Variants in RPS6KL1 observed in about 807,000 individuals in gnomAD.
RPS6KL1 encodes ribosomal protein S6 kinase-like 1.
A neutral mutation model predicts 57.0 loss-of-function variants in RPS6KL1; 41 were observed. The ratio of observed to expected loss-of-function variants is 0.72; its 90% confidence interval spans 0.56 to 0.93. The LOEUF (loss-of-function observed/expected upper bound fraction) is 0.93, where lower values mean the gene tolerates loss of function less well. Among genes scored for constraint, RPS6KL1 ranks in the 40% least tolerant of loss-of-function variants. The pLI, the probability that RPS6KL1 is intolerant of heterozygous loss-of-function variation, is 0.00. For missense variants in RPS6KL1, 697 were observed against 727.7 expected (o/e 0.96, Z 0.49); for synonymous variants, 287 against 309.7 (o/e 0.93, Z 0.77).
At position 74,919,975 on chromosome 14, in the gene RPS6KL1, G is replaced by A; in HGVS notation, c.266-6C>T. On this transcript the variant is annotated splice_region_variant and splice_polypyrimidine_tract_variant and intron_variant, in intron 3 of 11. Transcript: ENST00000557413. ...TCGCTCCTTGTTGGGGTCAACTGTGGGAGACAAGAGTCACCAGGGTCCCCA... is the reference window on the plus strand; with the variant it reads ...TCGCTCCTTGTTGGGGTCAACTGTGAGAGACAAGAGTCACCAGGGTCCCCA... 1 of 1,614,102 alleles carries A rather than the reference G, an allele frequency of 6.2e-7. No individual in the cohort carries two copies. The highest frequency in any genetic ancestry group is 8.5e-7 in the Non-Finnish European group (1 of 1,180,006).
chr14:74,910,415 G>A (rs1229609006), intron 7 of RPS6KL1: 1 of 350,808 alleles, frequency 2.9e-6, no homozygotes, highest in East Asian at 4.6e-5. Flanking sequence ...CAGTGTCTGT[G>A]GTTTGGGTGG....
chr14:74,907,344 G>C (rs112742474), intron 11 of RPS6KL1, 91 bp downstream of exon 11: 1 of 1,502,408 alleles, frequency 6.7e-7, no homozygotes, highest in African/African-American at 1.4e-5. Flanking sequence ...CACTGAGCAC[G>C]AAGCACACGT....
At chr14:74,918,646 G>C in intron 4 of RPS6KL1, 41 bp from the exon 5 acceptor site, 1 of 1,454,552 alleles carries the variant, frequency 6.9e-7, no homozygotes, top group South Asian at 1.2e-5. Context: ...CCTCAGGGCC[G>C]AGCCCTCCTT....
Position 74,906,923 on chromosome 14 carries a change from C to CTGAG in RPS6KL1, c.*90_*91insCTCA. ...CCCTCCATTCCTCGCCCAAAGCCCG[C>CTGAG]TGATAGAGGGCCAGCCCTGGGTTGG... On this transcript the variant is annotated 3_prime_UTR_variant, in exon 12 of 12. Transcript: ENST00000557413. 1 of 1,010,250 alleles carries CTGAG rather than the reference C, an allele frequency of 9.9e-7. No individual in the cohort carries two copies. The highest frequency in any genetic ancestry group is 1.6e-6 in the Non-Finnish European group (1 of 636,396). 62.6% of individuals were successfully genotyped at this position (1,010,250 alleles called of 1,614,324 possible). A position where few individuals can be genotyped will look rare whatever the true frequency, so the allele number is the denominator to read the frequency against.
rs781614144 is a variant in RPS6KL1 at position 74,911,317 on chromosome 14, A to T, written c.595T>A (p.Tyr199Asn). 1 of 1,612,260 alleles carries T rather than the reference A, an allele frequency of 6.2e-7. No individual in the cohort carries two copies. ...AAGTACCTGAGCAGCTTCGTCATGTAGGGGACTCCGTGTGGGATGATGGTC... is the reference window on the plus strand; with the variant it reads ...AAGTACCTGAGCAGCTTCGTCATGTTGGGGACTCCGTGTGGGATGATGGTC... Reference protein sequence around the residue: ...RLTIIPHGVPYMTKLLRYFVS... With the variant: ...RLTIIPHGVPNMTKLLRYFVS... The change falls in exon 7 of 12, where the codon TAC becomes AAC. Residue 199 changes from tyrosine (Y) to asparagine (N), a missense_variant. Physicochemically the swap from Tyr to Asn is moderately radical, Grantham distance 143. Coordinates refer to ENST00000557413, the MANE Select transcript of RPS6KL1 (RefSeq NM_031464.5).
At chr14:74,915,565 A>C (rs1187317400) in intron 5 of RPS6KL1, among the ~76,000 whole-genome samples, 2 of 152,198 alleles carry the variant, frequency 1.3e-5, no homozygotes, top group African/African-American at 4.8e-5. Context: ...TAAAGGTTTC[A>C]AACAAGTTCT....
chr14:74,917,924 T>C (rs1887118166), intron 5 of RPS6KL1, among the ~76,000 whole-genome samples: 1 of 151,714 alleles, frequency 6.6e-6, no homozygotes, highest in South Asian at 2.1e-4. Flanking sequence ...GTGGTGGGGG[T>C]GCTGTGGGAA....
rs202018004 is a variant in RPS6KL1 at position 74,921,505 on chromosome 14, C to T, written c.37G>A (p.Gly13Ser). 89 of 1,613,868 alleles carry T rather than the reference C, an allele frequency of 5.5e-5. No individual in the cohort carries two copies. Among genetic ancestry groups the T allele is most frequent in the Admixed American group, 1.3e-4 (8 of 59,940 alleles). ...LVACECLPSP[G>S]LEPEPCSRAR... Reference sequence around the variant, plus strand: ...CGTGAGCAAGGCTCAGGCTCCAGGCCGGGGCTGGGCAGGCACTCACAGGCC... The same window carrying T: ...CGTGAGCAAGGCTCAGGCTCCAGGCTGGGGCTGGGCAGGCACTCACAGGCC... The change falls in exon 3 of 12, where the codon GGC becomes AGC. Residue 13 changes from glycine (G) to serine (S), a missense_variant. Physicochemically the swap from Gly to Ser is moderately conservative, Grantham distance 56. Coordinates refer to ENST00000557413, the MANE Select transcript of RPS6KL1 (RefSeq NM_031464.5).
chr14:74,919,855 C>G lies in RPS6KL1; in HGVS notation c.380G>C (p.Ser127Thr). ...HLQRPLSSGASPSAGFSSLRL... is the reference protein window; with the variant it reads ...HLQRPLSSGATPSAGFSSLRL... ...GGGGGGTCTCCTCACCGCGCTGGGG[C>G]TGGCTCCACTGCTCAGCGGCCGCTG... Residue 127 changes from serine (S) to threonine (T), a missense_variant, in exon 4 of 12, where the codon AGC (serine) becomes ACC (threonine). Physicochemically the swap from Ser to Thr is moderately conservative, Grantham distance 58. Transcript: ENST00000557413. 6.2e-7 allele frequency: 1 copy of G among 1,612,424 alleles called. No individual in the cohort carries two copies.
intron 6 of RPS6KL1, 97 bp downstream of exon 6, chr14:74,911,697 G>T: frequency 1.7e-6 from 2 of 1,164,508 alleles, no homozygotes; most frequent in Non-Finnish European, 2.5e-6. Context: ...GTGGGAGGGA[G>T]TGCAGGCTTC....
At chr14:74,911,994 A>G (rs1048331032) in intron 5 of RPS6KL1, among the ~76,000 whole-genome samples, 153 bp from the exon 6 acceptor site, 8 of 152,092 alleles carry the variant, frequency 5.3e-5, no homozygotes, top group Non-Finnish European at 1.2e-4. Flanking sequence ...CCTGAAGCAG[A>G]CATCGATCCT....
intron 5 of RPS6KL1, among the ~76,000 whole-genome samples, chr14:74,913,745 G>C (rs1566824741): frequency 6.6e-6 from 1 of 152,142 alleles, no homozygotes; most frequent in Non-Finnish European, 1.5e-5. Flanking sequence ...GTTAAAGCAG[G>C]CAATTCAGGC....
chr14:74,910,183 CAG>C, intron 7 of RPS6KL1, 35 bp from the exon 8 acceptor site: 3 of 1,492,552 alleles, frequency 2.0e-6, no homozygotes, highest in Non-Finnish European at 2.7e-6. Context: ...AGCGTGGGGA[CAG>C]GGAGAAAAAG....
chr14:74,920,604 C>G (rs1887675148), intron 3 of RPS6KL1, among the ~76,000 whole-genome samples: 1 of 152,256 alleles, frequency 6.6e-6, no homozygotes, highest in African/African-American at 2.4e-5. Context: ...AATGTTCTTT[C>G]TGGAACTCTA....
intron 10 of RPS6KL1, 137 bp downstream of exon 10, chr14:74,908,713 T>TGG: frequency 1.4e-6 from 1 of 737,684 alleles, no homozygotes; most frequent in Admixed American, 2.0e-5. Context: ...GTGCTAAGTG[T>TGG]GTCCCTGGCT....
At chr14:74,910,381 C>T in intron 7 of RPS6KL1, 1 of 422,618 alleles carries the variant, frequency 2.4e-6, no homozygotes, top group Non-Finnish European at 4.2e-6. Context: ...AACTGGCACA[C>T]CACCGAGAGA....
At position 74,906,996 on chromosome 14, in the gene RPS6KL1, G is replaced by A. The variant is rs763792930; in HGVS notation, c.*18C>T. 32 of 1,571,976 alleles carry A rather than the reference G, an allele frequency of 2.0e-5. No homozygotes were observed. The highest frequency in any genetic ancestry group is 7.9e-5 in the South Asian group (7 of 88,342). ...GATCCAGACCAGGCCAGCTGCTTCCGTCACCCGCTCTGCCCTCTTACCCCA... is the reference window on the plus strand; with the variant it reads ...GATCCAGACCAGGCCAGCTGCTTCCATCACCCGCTCTGCCCTCTTACCCCA... On this transcript the variant is annotated 3_prime_UTR_variant, in exon 12 of 12. Coordinates refer to ENST00000557413, the MANE Select transcript of RPS6KL1 (RefSeq NM_031464.5).
Position 74,906,952 on chromosome 14 carries a change from T to G in RPS6KL1, c.*62A>C. ...TAGAGGGCCAGCCCTGGGTTGGGTG[T>G]CAGGCAAGGAGGAGAGGCGATCCAG... On this transcript the variant is annotated 3_prime_UTR_variant, in exon 12 of 12. Transcript: ENST00000557413. The G allele has an allele frequency of 7.8e-7, 1 of 1,273,976 alleles. No individual in the cohort carries two copies. The highest frequency in any genetic ancestry group is 1.1e-6 in the Non-Finnish European group (1 of 878,368). The allele number at this position is 1,273,976 out of a possible 1,614,324, so 78.9% of individuals were successfully genotyped here. A position where few individuals can be genotyped will look rare whatever the true frequency, so the allele number is the denominator to read the frequency against.
Position 74,919,974 on chromosome 14 carries a change from G to A in RPS6KL1, c.266-5C>T. 1 of 1,614,080 alleles carries A rather than the reference G, an allele frequency of 6.2e-7. No homozygotes were observed. Among genetic ancestry groups the A allele is most frequent in the Non-Finnish European group, 8.5e-7 (1 of 1,179,990 alleles). ...GTCGCTCCTTGTTGGGGTCAACTGT[G>A]GGAGACAAGAGTCACCAGGGTCCCC... On this transcript the variant is annotated splice_region_variant and splice_polypyrimidine_tract_variant and intron_variant, in intron 3 of 11. Transcript: ENST00000557413.
Sources: gnomAD v4.1 joint callset for allele counts (sites outside exome capture counted in the v4.1 genomes callset) on GRCh38, gnomAD v4.1.1 for gene constraint, MANE v1.5 for transcripts, NCBI Gene and HGNC (gene_info 2026-07-23, HGNC 2026-07-21) for gene names.